Variants in BCAS3 observed in about 807,000 individuals in gnomAD.
BCAS3 encodes BCAS3 microtubule associated cell migration factor.
In BCAS3, 53 loss-of-function variants were observed where a neutral mutation model predicts 116.1. That is an observed-to-expected ratio of 0.46 (90% CI 0.37 to 0.57). BCAS3 has a LOEUF of 0.57. Ranked by LOEUF, BCAS3 falls within the 20% of genes least tolerant of loss-of-function variation. The probability of loss-of-function intolerance (pLI) is 0.00; values close to 1 mark genes in which losing one functional copy is unlikely to be tolerated. For missense variants in BCAS3, 917 were observed against 1,165.4 expected (o/e 0.79, Z 3.10); for synonymous variants, 391 against 408.2 (o/e 0.96, Z 0.51).
chr17:60,874,099 T>C (rs1160226083), intron 8 of BCAS3, among the ~76,000 whole-genome samples: 1 of 152,170 alleles, frequency 6.6e-6, no homozygotes, highest in African/African-American at 2.4e-5. Flanking sequence ...GACAAGATCT[T>C]GCTGTTGCCC....
intron 6 of BCAS3, among the ~76,000 whole-genome samples, chr17:60,791,661 A>C (rs975339957): frequency 6.6e-6 from 1 of 152,108 alleles, no homozygotes; most frequent in Admixed American, 6.5e-5. Context: ...GACACAAGAA[A>C]TGCTTTTTAT....
At position 61,020,074 on chromosome 17, in the gene BCAS3, C is replaced by T. The variant is rs1338337514; in HGVS notation, c.1637+4173C>T. Among the ~76,000 whole-genome samples the T allele has an allele frequency of 6.6e-6, 1 of 151,990 alleles. No homozygotes were observed. Among genetic ancestry groups the T allele is most frequent in the Non-Finnish European group, 1.5e-5 (1 of 67,994 alleles). ...GATAAGCTTCCACTTCATCTATGTC[C>T]GAGGTATTTTGCACATGGTCATAAA... On this transcript the variant is annotated intron_variant, in intron 16 of 23. Coordinates refer to ENST00000407086, the MANE Select transcript of BCAS3 (RefSeq NM_017679.5). This position sits in a 1 kb window ranked among gnomAD's most constrained non-coding sequence, Gnocchi z 4.5.
At chr17:60,694,391 C>CT (rs1396851999) in intron 4 of BCAS3, among the ~76,000 whole-genome samples, 1 of 151,848 alleles carries the variant, frequency 6.6e-6, no homozygotes, top group Non-Finnish European at 1.5e-5. Context: ...GTCACAGCTA[C>CT]TTGGGAGGCT....
intron 15 of BCAS3, among the ~76,000 whole-genome samples, chr17:60,992,130 A>G (rs988046245): frequency 3.4e-5 from 5 of 148,572 alleles, no homozygotes; most frequent in African/African-American, 1.3e-4. Context: ...TACCTATCCT[A>G]ATTTGTTTCA....
chr17:61,060,515 T>C (rs1294084046), intron 19 of BCAS3, among the ~76,000 whole-genome samples: 1 of 152,184 alleles, frequency 6.6e-6, no homozygotes, highest in Non-Finnish European at 1.5e-5. Context: ...AGTATTACTA[T>C]GATTTTTTAA....
intron 6 of BCAS3, among the ~76,000 whole-genome samples, chr17:60,763,755 A>G (rs1452956057): frequency 6.6e-6 from 1 of 152,228 alleles, no homozygotes; most frequent in Non-Finnish European, 1.5e-5. Context: ...GGATTGGAAT[A>G]GCTTCAGAAG....
At position 61,189,873 on chromosome 17, in the gene BCAS3, A is replaced by T. The variant is rs910072938; in HGVS notation, c.2425+105309A>T. ...AGCTGGCCCTGAGTAAAAATGTGGGAGTTATCAACATATAGCTATGGAAGG... is the reference window on the plus strand; with the variant it reads ...AGCTGGCCCTGAGTAAAAATGTGGGTGTTATCAACATATAGCTATGGAAGG... On this transcript the variant is annotated intron_variant, in intron 22 of 23. Transcript: ENST00000407086. This position sits in a 1 kb window ranked among gnomAD's most constrained non-coding sequence, Gnocchi z 4.5. 3.5e-4 allele frequency among the ~76,000 whole-genome samples: 53 copies of T among 152,194 alleles called. No individual in the cohort carries two copies. Among genetic ancestry groups the T allele is most frequent in the African/African-American group, 1.3e-3 (53 of 41,446 alleles).
At position 61,026,021 on chromosome 17, in the gene BCAS3, C is replaced by G. The variant is rs1451517233; in HGVS notation, c.1638-8645C>G. On this transcript the variant is annotated intron_variant, in intron 16 of 23. Transcript: ENST00000407086. The surrounding 1 kb of genome is among the most constrained non-coding windows in gnomAD (Gnocchi z 5.0). ...TCCATTTGTTATGATTTCCAAATGT[C>G]AGATGTTACAGTACCATTTGGTTTG... Among the ~76,000 whole-genome samples, 3 of 152,058 alleles carry G rather than the reference C, an allele frequency of 2.0e-5. No homozygotes were observed. Among genetic ancestry groups the G allele is most frequent in the Non-Finnish European group, 4.4e-5 (3 of 67,956 alleles).
chr17:61,311,846 A>G (rs974558792), intron 22 of BCAS3, among the ~76,000 whole-genome samples: 1 of 152,148 alleles, frequency 6.6e-6, no homozygotes, highest in East Asian at 1.9e-4. Flanking sequence ...GTGGGTTGAG[A>G]TCACGCTACT....
intron 14 of BCAS3, among the ~76,000 whole-genome samples, chr17:60,988,348 T>TC (rs1417551162): frequency 6.9e-6 from 1 of 144,118 alleles, no homozygotes; most frequent in Non-Finnish European, 1.5e-5. Flanking sequence ...CTTTTTTTTT[T>TC]TTTTTTTTTT....
chr17:60,847,345 C>A (rs1482957268), intron 7 of BCAS3, among the ~76,000 whole-genome samples: 2 of 152,052 alleles, frequency 1.3e-5, no homozygotes, highest in African/African-American at 4.8e-5. Flanking sequence ...TGGGTATATA[C>A]CTAGGAGTAG....
chr17:61,129,360 G>A (rs2076212005), intron 22 of BCAS3, among the ~76,000 whole-genome samples: 1 of 152,146 alleles, frequency 6.6e-6, no homozygotes. Flanking sequence ...TGTTAGCTTA[G>A]ACTACGAGAG....
At chr17:61,001,452 T>C (rs957667151) in intron 15 of BCAS3, among the ~76,000 whole-genome samples, 4 of 152,160 alleles carry the variant, frequency 2.6e-5, no homozygotes, top group African/African-American at 9.7e-5. Flanking sequence ...CCTTATATAG[T>C]TTCACCTACT....
intron 22 of BCAS3, among the ~76,000 whole-genome samples, chr17:61,242,623 A>G (rs1376727329): frequency 1.3e-5 from 2 of 152,226 alleles, no homozygotes; most frequent in African/African-American, 2.4e-5. Context: ...AAATCTCATA[A>G]GATTCAAAGA....
intron 8 of BCAS3, 109 bp from the exon 9 acceptor site, chr17:60,874,553 T>C (rs2055414969): frequency 3.0e-6 from 2 of 660,382 alleles, no homozygotes; most frequent in Admixed American, 6.1e-5. Context: ...TAAAATTGTA[T>C]TAGTAGGCAC....
chr17:60,736,103 T>C (rs2040929378), intron 5 of BCAS3, among the ~76,000 whole-genome samples: 1 of 152,102 alleles, frequency 6.6e-6, no homozygotes, highest in African/African-American at 2.4e-5. Flanking sequence ...AGTGGTGCAA[T>C]CATAGCTCAC....
At chr17:60,798,214 A>G (rs774074410) in intron 6 of BCAS3, among the ~76,000 whole-genome samples, 9 of 152,220 alleles carry the variant, frequency 5.9e-5, no homozygotes, top group Non-Finnish European at 1.2e-4. Flanking sequence ...CTCTTGGTCT[A>G]CATTCTAGAA....
chr17:60,984,573 C>T (rs1436379500), intron 14 of BCAS3, among the ~76,000 whole-genome samples: 2 of 151,990 alleles, frequency 1.3e-5, no homozygotes, highest in East Asian at 3.9e-4. Flanking sequence ...ACATAATAAT[C>T]ACATCAGGGT....
intron 22 of BCAS3, among the ~76,000 whole-genome samples, chr17:61,268,576 G>GT (rs544271318): frequency 1.8e-4 from 27 of 150,902 alleles, no homozygotes; most frequent in East Asian, 7.8e-4. Context: ...GTCTTTCTGG[G>GT]TTTTTTTTGT....
Sources: allele counts gnomAD v4.1 joint callset (sites outside exome capture counted in the v4.1 genomes callset), GRCh38; gene constraint gnomAD v4.1.1; non-coding constraint Gnocchi (gnomAD v3.1); transcripts MANE v1.5; gene names NCBI Gene and HGNC (gene_info 2026-07-23, HGNC 2026-07-21).